Variants in ATP11A observed in about 807,000 individuals in gnomAD.
The protein encoded by ATP11A is ATPase phospholipid transporting 11A, also known as phospholipid-transporting ATPase IH.
ATP11A carries 81 observed loss-of-function variants against 154.4 expected under a neutral mutation model. That is an observed-to-expected ratio of 0.52 (90% CI 0.44 to 0.63). The LOEUF is 0.63. Ranked by LOEUF, ATP11A falls within the 30% of genes least tolerant of loss-of-function variation. The pLI, the probability that ATP11A is intolerant of heterozygous loss-of-function variation, is 0.00. For synonymous variants in ATP11A, 623 were observed against 585.9 expected, an observed-to-expected ratio of 1.06 and a Z score of -0.91; for missense variants, 1,316 against 1,474.3, an observed-to-expected ratio of 0.89 and a Z score of 1.76.
Position 112,773,669 on chromosome 13 carries a change from C to T in ATP11A, c.40-11466C>T, listed in dbSNP as rs1473000246. 3.9e-5 allele frequency among the ~76,000 whole-genome samples: 6 copies of T among 152,350 alleles called. No homozygotes were observed. The East Asian group carries it at 9.6e-4, about 24-fold the overall frequency. On this transcript the variant is annotated intron_variant, in intron 1 of 29. Transcript: ENST00000375645. ...TCCTGTGCTCTTTTGGGTAACTGGT[C>T]CTTCCTCAACACTGTTGATAGCAGC...
At chr13:112,873,777 G>A in intron 27 of ATP11A, 101 bp downstream of exon 27, 1 of 1,187,036 alleles carries the variant, frequency 8.4e-7, no homozygotes, top group Non-Finnish European at 1.2e-6. Context: ...CCTGTTGGTT[G>A]GGGCAAGTGT....
chr13:112,819,206 G>A, intron 6 of ATP11A, 98 bp from the exon 7 acceptor site: 3 of 951,498 alleles, frequency 3.2e-6, no homozygotes, highest in Middle Eastern at 2.4e-4. Context: ...AAACTCATAG[G>A]GTCAGCCAGG....
At chr13:112,782,087 G>A (rs1566473180) in intron 1 of ATP11A, among the ~76,000 whole-genome samples, 1 of 152,354 alleles carries the variant, frequency 6.6e-6, no homozygotes, top group African/African-American at 2.4e-5. Context: ...TACTTGTGTC[G>A]GGTTAAACGC....
In ATP11A at chr13:112,842,363, T is replaced by A; in HGVS notation, c.1793T>A (p.Val598Glu). Residue 598 changes from valine to glutamate, a missense_variant, in exon 17 of 30, where the codon GTG becomes GAG. By Grantham distance (121) the Val-to-Glu change is moderately radical. This residue lies in a region of ATP11A where 876 missense variants were observed against 1,006.8 expected (regional missense o/e 0.87). Coordinates refer to ENST00000375645, the MANE Select transcript of ATP11A (RefSeq NM_015205.3). ...AAAGTTGACCAGATCCGAGCCAGAG[T>A]GGAGCGTAACGCAGTGGTGAGAGCC... The part of the protein sequence containing the change: ...EGKVDQIRAR[V>E]ERNAVEGLRT... 6.2e-7 allele frequency: 1 copy of A among 1,607,258 alleles called. No homozygotes were observed. The highest frequency in any genetic ancestry group is 8.5e-7 in the Non-Finnish European group (1 of 1,176,606).
At chr13:112,831,935 A>C (rs979616399) in intron 13 of ATP11A, among the ~76,000 whole-genome samples, 3 of 136,398 alleles carry the variant, frequency 2.2e-5, no homozygotes, top group African/African-American at 9.3e-5. Context: ...ACACACAGAC[A>C]CACATGCACA....
chr13:112,864,356 T>C (rs1231688158), intron 25 of ATP11A, among the ~76,000 whole-genome samples: 1 of 108,710 alleles, frequency 9.2e-6, no homozygotes, highest in East Asian at 3.1e-4. Context: ...CCATGCAGCT[T>C]CCCAGCGGGG....
chr13:112,740,552 A>G (rs911053391), intron 1 of ATP11A, among the ~76,000 whole-genome samples: 12 of 152,192 alleles, frequency 7.9e-5, no homozygotes, highest in Admixed American at 5.2e-4. Context: ...TCTTCAAGTG[A>G]TGATGGCATC....
At chr13:112,723,296 C>T (rs1889415101) in intron 1 of ATP11A, among the ~76,000 whole-genome samples, 1 of 25,660 alleles carries the variant, frequency 3.9e-5, no homozygotes, top group South Asian at 1.8e-3. Flanking sequence ...CCCCACCTCC[C>T]CCCGCCCTCT....
intron 25 of ATP11A, among the ~76,000 whole-genome samples, chr13:112,864,832 C>A (rs36157742): frequency 3.7e-5 from 3 of 81,316 alleles, no homozygotes; most frequent in Non-Finnish European, 4.9e-5. Flanking sequence ...TCAGTGCAGC[C>A]CATGCAGCTT....
chr13:112,716,790 G>A (rs954184362), intron 1 of ATP11A, among the ~76,000 whole-genome samples: 15 of 152,242 alleles, frequency 9.9e-5, no homozygotes, highest in African/African-American at 3.6e-4. Flanking sequence ...CTCCTGCAGG[G>A]CCCAGGTGGG....
Position 112,870,425 on chromosome 13 carries a change from T to C in ATP11A, c.2992-1310T>C, listed in dbSNP as rs372656776. ...CAGAGTCTGTGCTCTGTCGCCCACGTTGGAGTGTAGTGGCGTGATCTCTGC... is the reference window on the plus strand; with the variant it reads ...CAGAGTCTGTGCTCTGTCGCCCACGCTGGAGTGTAGTGGCGTGATCTCTGC... On this transcript the variant is annotated intron_variant, in intron 25 of 29. Coordinates refer to ENST00000375645, the MANE Select transcript of ATP11A (RefSeq NM_015205.3). 8.5e-5 allele frequency among the ~76,000 whole-genome samples: 13 copies of C among 152,296 alleles called. No individual in the cohort carries two copies. The South Asian group carries it at 2.7e-3, about 32-fold the overall frequency.
At chr13:112,741,418 G>A (rs980295797) in intron 1 of ATP11A, among the ~76,000 whole-genome samples, 1 of 152,182 alleles carries the variant, frequency 6.6e-6, no homozygotes, top group Non-Finnish European at 1.5e-5. Flanking sequence ...GGAGAAGGTG[G>A]CCCGGTCCCT....
chr13:112,787,458 T>C (rs986839520), intron 2 of ATP11A, among the ~76,000 whole-genome samples: 1 of 120,948 alleles, frequency 8.3e-6, no homozygotes, highest in Non-Finnish European at 1.6e-5. Flanking sequence ...TCCTGATGTG[T>C]AGACCCCTGT....
Position 112,834,576 on chromosome 13 carries a change from C to T in ATP11A, c.1560-13C>T. On this transcript the variant is annotated splice_polypyrimidine_tract_variant and intron_variant, in intron 14 of 29. Coordinates refer to ENST00000375645, the MANE Select transcript of ATP11A (RefSeq NM_015205.3). ...ATCTCAGATTCACCCCGAGGTTTCC[C>T]TTCTCATTGCAGACTTGGCTTTACC... 1 of 1,601,254 alleles carries T rather than the reference C, an allele frequency of 6.2e-7. No homozygotes were observed. Among genetic ancestry groups the T allele is most frequent in the Non-Finnish European group, 8.6e-7 (1 of 1,168,468 alleles).
At chr13:112,742,712 C>T (rs929219293) in intron 1 of ATP11A, among the ~76,000 whole-genome samples, 2 of 152,182 alleles carry the variant, frequency 1.3e-5, no homozygotes, top group African/African-American at 4.8e-5. Context: ...GTGTGACGGC[C>T]GGCCTTCGCC....
intron 1 of ATP11A, among the ~76,000 whole-genome samples, chr13:112,701,359 G>A (rs996501704): frequency 6.6e-5 from 10 of 152,154 alleles, no homozygotes; most frequent in African/African-American, 2.4e-4. Flanking sequence ...GTTGTGTTTA[G>A]TTTTGACTTA....
intron 1 of ATP11A, among the ~76,000 whole-genome samples, chr13:112,766,752 C>T (rs1475469468): frequency 1.3e-5 from 2 of 150,454 alleles, no homozygotes; most frequent in African/African-American, 2.4e-5. Flanking sequence ...CCCAGTTCTG[C>T]AGGAAACAGG....
intron 12 of ATP11A, 48 bp from the exon 13 acceptor site, chr13:112,831,327 G>C (rs575100498): frequency 6.3e-7 from 1 of 1,593,554 alleles, no homozygotes. Context: ...AGTCGGGGAC[G>C]TGCGGGCCTC....
intron 29 of ATP11A, chr13:112,881,572 C>G (rs2080885950): frequency 1.7e-6 from 2 of 1,157,858 alleles, no homozygotes; most frequent in Non-Finnish European, 2.2e-6. Context: ...GGGGGACGGT[C>G]ACTCTGTTGG....
Sources: allele counts gnomAD v4.1 joint callset (sites outside exome capture counted in the v4.1 genomes callset), GRCh38; gene constraint gnomAD v4.1.1; regional missense constraint gnomAD v4.1.1; transcripts MANE v1.5; gene names NCBI Gene and HGNC (gene_info 2026-07-23, HGNC 2026-07-21).